The following DHX9 variants were observed in gnomAD, a reference collection of about 807,000 sequenced individuals.
The protein encoded by DHX9 is DExH-box helicase 9, also known as ATP-dependent RNA helicase A.
In DHX9, 27 loss-of-function variants were observed where a neutral mutation model predicts 148.7. The ratio of observed to expected loss-of-function variants is 0.18; its 90% confidence interval spans 0.13 to 0.25. The LOEUF (loss-of-function observed/expected upper bound fraction) is 0.25. Ranked by LOEUF, DHX9 falls within the 10% of genes least tolerant of loss-of-function variation. The pLI is 1.00. For synonymous variants in DHX9, 529 were observed against 516.6 expected (o/e 1.02, Z -0.33); for missense variants, 796 against 1,559.6 (o/e 0.51, Z 8.25).
intron 26 of DHX9, 109 bp from the exon 27 acceptor site, chr1:182,884,504 C>A: frequency 2.0e-6 from 2 of 978,658 alleles, no homozygotes; most frequent in South Asian, 1.6e-5. Flanking sequence ...AATATTAATG[C>A]TTAAGAAGTT....
intron 27 of DHX9, among the ~76,000 whole-genome samples, chr1:182,885,256 A>C (rs1045600800): frequency 6.6e-6 from 1 of 152,156 alleles, no homozygotes; most frequent in Non-Finnish European, 1.5e-5. Context: ...AGAAATGAGA[A>C]ATTTATCTTA....
intron 19 of DHX9, chr1:182,877,620 A>G (rs954645845): frequency 6.0e-6 from 1 of 167,132 alleles, no homozygotes; most frequent in African/African-American, 2.4e-5. Context: ...CACAGGCATC[A>G]CTAGATACAG....
At chr1:182,843,480 T>C in intron 3 of DHX9, 46 bp downstream of exon 3, 5 of 1,486,926 alleles carry the variant, frequency 3.4e-6, no homozygotes, top group Non-Finnish European at 2.7e-6. Context: ...TGTAAAGTTG[T>C]ACAAACTCAA....
intron 7 of DHX9, among the ~76,000 whole-genome samples, 159 bp from the exon 8 acceptor site, chr1:182,857,945 T>TAAAAA (rs1672372763): frequency 6.6e-6 from 1 of 152,222 alleles, no homozygotes; most frequent in Admixed American, 6.5e-5. Context: ...CAATTTCTTT[T>TAAAAA]GTTTAGCAGA....
At chr1:182,878,781 A>T (rs1263167158) in intron 20 of DHX9, among the ~76,000 whole-genome samples, 1 of 152,260 alleles carries the variant, frequency 6.6e-6, no homozygotes, top group African/African-American at 2.4e-5. Flanking sequence ...TTTAAGTGTC[A>T]TGTCAGAAGT....
chr1:182,865,814 G>A (rs1290119355), intron 12 of DHX9, among the ~76,000 whole-genome samples: 3 of 152,146 alleles, frequency 2.0e-5, no homozygotes, highest in South Asian at 2.1e-4. Context: ...TTTGTACTTA[G>A]AAGACATGGA....
chr1:182,852,195 A>G (rs1420121429), intron 3 of DHX9, 38 bp from the exon 4 acceptor site: 3 of 1,458,570 alleles, frequency 2.1e-6, no homozygotes, highest in East Asian at 4.6e-5. Context: ...CCGTGAAGGC[A>G]AAAGCACTGA....
Position 182,881,369 on chromosome 1 carries a change from C to T in DHX9, c.2730C>T (p.Asn910=), listed in dbSNP as rs1421682609. 4 of 1,614,056 alleles carry T rather than the reference C, an allele frequency of 2.5e-6. No individual in the cohort carries two copies. In the African/African-American group the frequency reaches 4.0e-5, roughly 16 times the overall value. ...LGYIHRNFAG[N]RFSDHVALLS... ...ATATCCATCGAAATTTTGCTGGAAA[C>T]AGATTTTCTGATCACGTAGCCCTTT... Residue 910 remains asparagine (N), a synonymous_variant, in exon 23 of 28, where the codon AAC becomes AAT. Transcript: ENST00000367549.
At chr1:182,867,401 G>A (rs1256611338) in intron 14 of DHX9, among the ~76,000 whole-genome samples, 3 of 151,820 alleles carry the variant, frequency 2.0e-5, no homozygotes, top group Admixed American at 6.6e-5. Context: ...TTTTATAATC[G>A]TTTTTTGTTT....
intron 1 of DHX9, among the ~76,000 whole-genome samples, chr1:182,841,561 CTG>C (rs1018271159): frequency 1.3e-5 from 2 of 152,220 alleles, no homozygotes; most frequent in African/African-American, 2.4e-5. Context: ...CAGAGTTAGA[CTG>C]TGGCCACTCA....
At chr1:182,868,732 G>A (rs946620378) in intron 14 of DHX9, among the ~76,000 whole-genome samples, 58 of 152,076 alleles carry the variant, frequency 3.8e-4, no homozygotes, top group African/African-American at 1.4e-3. Flanking sequence ...GGCCAGGCTG[G>A]TCTCAAACTC....
At chr1:182,880,203 T>A (rs1041792045) in intron 21 of DHX9, among the ~76,000 whole-genome samples, 1 of 152,238 alleles carries the variant, frequency 6.6e-6, no homozygotes, top group East Asian at 1.9e-4. Context: ...TCTTATGGCA[T>A]GTAGAAACTT....
intron 14 of DHX9, among the ~76,000 whole-genome samples, chr1:182,871,605 T>C (rs1648555547): frequency 6.6e-6 from 1 of 152,216 alleles, no homozygotes; most frequent in Non-Finnish European, 1.5e-5. Flanking sequence ...ATGTTCACAT[T>C]AGTAAATCTT....
chr1:182,863,224 AAG>A (rs748523634), intron 12 of DHX9, among the ~76,000 whole-genome samples: 1 of 152,218 alleles, frequency 6.6e-6, no homozygotes, highest in South Asian at 2.1e-4. Context: ...AAATAATAAA[AAG>A]TAAAATAATT....
At chr1:182,850,893 TC>T (rs1668131401) in intron 3 of DHX9, among the ~76,000 whole-genome samples, 1 of 152,144 alleles carries the variant, frequency 6.6e-6, no homozygotes, top group African/African-American at 2.4e-5. Flanking sequence ...AAGGAAATCC[TC>T]CCCATCACTG....
chr1:182,840,067 C>G (rs1220662503), intron 1 of DHX9: 3 of 152,298 alleles, frequency 2.0e-5, no homozygotes, highest in Non-Finnish European at 4.4e-5. Flanking sequence ...TGAAAGCAGG[C>G]CATGTGACTG....
chr1:182,869,927 A>G (rs1353594763), intron 14 of DHX9, among the ~76,000 whole-genome samples: 2 of 152,210 alleles, frequency 1.3e-5, no homozygotes, highest in African/African-American at 4.8e-5. Flanking sequence ...TTCTCTTTCA[A>G]GATAAATCTT....
chr1:182,842,421 G>T, intron 1 of DHX9, 124 bp from the exon 2 acceptor site: 1 of 536,320 alleles, frequency 1.9e-6, no homozygotes. Context: ...AAATTTATGG[G>T]GAGTCTTAAT....
chr1:182,850,759 A>G (rs898960093), intron 3 of DHX9, among the ~76,000 whole-genome samples: 5 of 152,192 alleles, frequency 3.3e-5, no homozygotes, highest in African/African-American at 1.2e-4. Flanking sequence ...CTATTTTATA[A>G]CCTACTTGAA....
Sources: gnomAD v4.1 joint callset for allele counts (sites outside exome capture counted in the v4.1 genomes callset) on GRCh38, gnomAD v4.1.1 for gene constraint, MANE v1.5 for transcripts, NCBI Gene and HGNC (gene_info 2026-07-23, HGNC 2026-07-21) for gene names.